Variants in FGF13 observed in about 807,000 individuals in gnomAD.
FGF13 encodes fibroblast growth factor homologous factor 2.
FGF13 carries 2 observed loss-of-function variants against 19.5 expected under a neutral mutation model. The observed-to-expected ratio is 0.10, with a 90% CI of 0.04 to 0.32. The LOEUF is 0.32. Among genes scored for constraint, FGF13 ranks in the 10% least tolerant of loss-of-function variants. FGF13 has a pLI of 1.00. For synonymous variants in FGF13, 72 were observed against 76.9 expected (o/e 0.94, Z 0.33); for missense variants, 113 against 192.7 (o/e 0.59, Z 2.45).
At chrX:138,870,994 T>A (rs2091354697) in intron 1 of FGF13, among the ~76,000 whole-genome samples, 1 of 112,095 alleles carries the variant, frequency 8.9e-6, no homozygotes, top group Non-Finnish European at 1.9e-5. Context: ...CCTAGGGAGA[T>A]GGGTGTCTGA....
At chrX:138,968,058 C>CTCTGCTCTT (rs1404762253) in intron 1 of FGF13, among the ~76,000 whole-genome samples, 1 of 111,587 alleles carries the variant, frequency 9.0e-6, no homozygotes. Context: ...TATCTCCTAA[C>CTCTGCTCTT]TCTGCTCTTT....
chrX:139,064,274 T>A (rs1359940664), intron 1 of FGF13, among the ~76,000 whole-genome samples: 2 of 82,367 alleles, frequency 2.4e-5, no homozygotes, highest in Non-Finnish European at 4.3e-5. Flanking sequence ...CAGAGTTCTT[T>A]TTTTTTCTTT....
At chrX:138,989,283 T>G (rs980139839) in intron 1 of FGF13, among the ~76,000 whole-genome samples, 2 of 111,520 alleles carry the variant, frequency 1.8e-5, no homozygotes, top group Admixed American at 1.9e-4. Context: ...TACTGCTGAG[T>G]TGTACTGGCC....
intron 1 of FGF13, among the ~76,000 whole-genome samples, chrX:139,030,734 C>A (rs1275443520): frequency 1.8e-5 from 2 of 111,789 alleles, no homozygotes; most frequent in African/African-American, 6.5e-5. Context: ...GTGGAGTACA[C>A]AGTCAGACTT....
rs370386748 is a variant in FGF13 at position 138,908,094 on chromosome X, G to A, written c.-112-43444C>T. Among the ~76,000 whole-genome samples, 178 of 50,188 alleles carry A rather than the reference G, an allele frequency of 3.5e-3. 1 individual carries two copies. The highest frequency in any genetic ancestry group is 0.013 in the Middle Eastern group (1 of 80). The allele number at this position is 50,188 out of a possible 115,157, so 43.6% of individuals were successfully genotyped here. A position where few individuals can be genotyped will look rare whatever the true frequency, so the allele number is the denominator to read the frequency against. ...TTCTTTTTTTTTTTTTTTTTGAGACGGAGACTCGTTCTTTCACCCAGGTTG... is the reference window on the plus strand; with the variant it reads ...TTCTTTTTTTTTTTTTTTTTGAGACAGAGACTCGTTCTTTCACCCAGGTTG... On this transcript the variant is annotated intron_variant, in intron 1 of 2. Transcript: ENST00000421460.
chrX:138,782,816 T>C (rs1424710946), intron 3 of FGF13, among the ~76,000 whole-genome samples: 1 of 100,019 alleles, frequency 1.0e-5, no homozygotes, highest in Non-Finnish European at 2.0e-5. Flanking sequence ...AAAACTACTT[T>C]AAAGTTCATA....
At chrX:138,799,170 C>T (rs1008751445) in intron 3 of FGF13, among the ~76,000 whole-genome samples, 1 of 111,705 alleles carries the variant, frequency 9.0e-6, no homozygotes, top group Non-Finnish European at 1.9e-5. Context: ...GATTTTAGAT[C>T]TTTCCCACTT....
chrX:138,873,640 C>T (rs1352107578), intron 1 of FGF13, among the ~76,000 whole-genome samples: 1 of 111,031 alleles, frequency 9.0e-6, no homozygotes, highest in Non-Finnish European at 1.9e-5. Flanking sequence ...GACGTGCCTC[C>T]GATTTTCCCA....
chrX:138,891,655 T>C (rs2091477604), intron 1 of FGF13, among the ~76,000 whole-genome samples: 1 of 111,461 alleles, frequency 9.0e-6, no homozygotes, highest in African/African-American at 3.3e-5. Context: ...GGATACAAAG[T>C]ATTGATCCTG....
intron 1 of FGF13, among the ~76,000 whole-genome samples, chrX:138,717,186 C>T (rs960607836): frequency 2.7e-5 from 3 of 111,701 alleles, no homozygotes; most frequent in African/African-American, 9.8e-5. Flanking sequence ...TGATTACCTG[C>T]TTGGCCATTT....
intron 1 of FGF13, among the ~76,000 whole-genome samples, chrX:139,095,043 C>G (rs1275929454): frequency 8.9e-6 from 1 of 112,431 alleles, no homozygotes; most frequent in African/African-American, 3.2e-5. Context: ...TCTGGCTGGC[C>G]TCCTGAGCAA....
intron 1 of FGF13, among the ~76,000 whole-genome samples, chrX:139,069,295 G>C (rs1213996507): frequency 1.6e-5 from 1 of 64,338 alleles, no homozygotes; most frequent in African/African-American, 6.0e-5. Context: ...AAAAAATGAT[G>C]AGTTCATGTC....
chrX:139,115,542 G>T (rs2083633816), intron 1 of FGF13, among the ~76,000 whole-genome samples: 1 of 111,393 alleles, frequency 9.0e-6, no homozygotes, highest in Non-Finnish European at 1.9e-5. Context: ...TCCAACTCTG[G>T]AAAACAGAAA....
intron 3 of FGF13, among the ~76,000 whole-genome samples, chrX:138,840,496 C>T (rs1229996318): frequency 8.9e-6 from 1 of 111,946 alleles, no homozygotes; most frequent in Admixed American, 9.5e-5. Flanking sequence ...CCACTGTATA[C>T]TTCTCTACAG....
intron 1 of FGF13, among the ~76,000 whole-genome samples, chrX:138,717,249 C>A (rs978501883): frequency 9.0e-6 from 1 of 111,607 alleles, no homozygotes; most frequent in African/African-American, 3.3e-5. Context: ...AGGTTTCTCC[C>A]TTAATCTTGA....
intron 1 of FGF13, among the ~76,000 whole-genome samples, chrX:139,158,570 G>A (rs1219010099): frequency 1.8e-5 from 2 of 111,206 alleles, no homozygotes; most frequent in Non-Finnish European, 3.8e-5. Flanking sequence ...TCCTCTCTGG[G>A]CAGGGCATCT....
chrX:138,901,901 T>C (rs1404458251), intron 1 of FGF13, among the ~76,000 whole-genome samples: 1 of 112,128 alleles, frequency 8.9e-6, no homozygotes, highest in African/African-American at 3.2e-5. Flanking sequence ...AAATAAACAC[T>C]AACTGTAAAT....
intron 3 of FGF13, among the ~76,000 whole-genome samples, chrX:138,679,853 C>G (rs2089710269): frequency 8.9e-6 from 1 of 111,805 alleles, no homozygotes; most frequent in African/African-American, 3.3e-5. Flanking sequence ...CTCTTCCTTT[C>G]ATGAAAGATT....
chrX:138,944,978 G>A (rs1010209846), intron 1 of FGF13, among the ~76,000 whole-genome samples: 6 of 109,324 alleles, frequency 5.5e-5, no homozygotes, highest in African/African-American at 2.0e-4. Context: ...CTTTTTACCA[G>A]TTTGACCTTC....
Sources: allele counts gnomAD v4.1 joint callset (sites outside exome capture counted in the v4.1 genomes callset), GRCh38; gene constraint gnomAD v4.1.1; transcripts MANE v1.5; gene names NCBI Gene and HGNC (gene_info 2026-07-23, HGNC 2026-07-21).